The following LRRC72 variants were observed in gnomAD, a reference collection of about 807,000 sequenced individuals.
The protein encoded by LRRC72 is leucine rich repeat containing 72.
Under a neutral mutation model 35.8 loss-of-function variants are expected in LRRC72, and 41 were observed. The ratio of observed to expected loss-of-function variants is 1.15; its 90% confidence interval spans 0.89 to 1.49. LRRC72 has a LOEUF of 1.49. Ranked by LOEUF, LRRC72 falls within the 40% of genes most tolerant of loss-of-function variation. The pLI is 0.00. For synonymous variants in LRRC72, 118 were observed against 119.2 expected (o/e 0.99, Z 0.07); for missense variants, 389 against 330.7 (o/e 1.18, Z -1.37).
At chr7:16,579,444 G>A (rs1783103475) in intron 7 of LRRC72, among the ~76,000 whole-genome samples, 3 of 152,138 alleles carry the variant, frequency 2.0e-5, no homozygotes, top group Admixed American at 6.5e-5. Flanking sequence ...GGCACAACAG[G>A]TGCTAGTAAA....
intron 5 of LRRC72, among the ~76,000 whole-genome samples, chr7:16,559,660 G>C (rs1443510938): frequency 6.6e-6 from 1 of 152,096 alleles, no homozygotes; most frequent in African/African-American, 2.4e-5. Flanking sequence ...ACACCGAGAG[G>C]TAACTGTTTT....
intron 5 of LRRC72, among the ~76,000 whole-genome samples, chr7:16,562,529 G>T (rs1008181863): frequency 3.3e-5 from 5 of 152,138 alleles, no homozygotes; most frequent in African/African-American, 4.8e-5. Context: ...GCTTCCTACC[G>T]GAGCTTCCAG....
chr7:16,571,304 T>C (rs558924534), intron 7 of LRRC72, among the ~76,000 whole-genome samples: 2 of 152,274 alleles, frequency 1.3e-5, no homozygotes, highest in Admixed American at 1.3e-4. Flanking sequence ...ACATGCCTCC[T>C]TATACCCCCC....
chr7:16,568,271 T>A (rs1371714414), intron 7 of LRRC72, among the ~76,000 whole-genome samples: 1 of 152,132 alleles, frequency 6.6e-6, no homozygotes, highest in African/African-American at 2.4e-5. Flanking sequence ...ACATCTCCAT[T>A]CCACGAAGGA....
In LRRC72 at chr7:16,526,839, CG is replaced by C; in HGVS notation, c.-112del. The C allele has an allele frequency of 3.7e-6, 3 of 809,970 alleles. No homozygotes were observed. The highest frequency in any genetic ancestry group is 2.7e-5 in the East Asian group (1 of 37,004). 50.2% of individuals were successfully genotyped at this position (809,970 alleles called of 1,614,324 possible). On this transcript the variant is annotated 5_prime_UTR_variant, in exon 1 of 9. It removes the in-frame stop codon of an upstream open reading frame in the 5' UTR. Coordinates refer to ENST00000401542, the MANE Select transcript of LRRC72 (RefSeq NM_001195280.2). ...GACTGGCTTTTAGTCAACGGGAATG[CG>C]GTAACTGTTGGTAACAGAACAACGA... is the stretch of plus-strand genomic sequence containing the variant.
intron 3 of LRRC72, among the ~76,000 whole-genome samples, chr7:16,550,399 T>A (rs564181178): frequency 1.8e-4 from 27 of 152,306 alleles, no homozygotes; most frequent in Admixed American, 1.1e-3. Flanking sequence ...ATAAATGAGA[T>A]GACAAGTGTA....
intron 3 of LRRC72, among the ~76,000 whole-genome samples, chr7:16,538,645 C>T (rs1240425766): frequency 1.3e-5 from 2 of 152,186 alleles, no homozygotes; most frequent in African/African-American, 4.8e-5. Flanking sequence ...TGTGTCTCCA[C>T]CCGAATCTCA....
chr7:16,543,596 A>C (rs992387432), intron 3 of LRRC72, among the ~76,000 whole-genome samples: 1 of 152,170 alleles, frequency 6.6e-6, no homozygotes, highest in Non-Finnish European at 1.5e-5. Context: ...CCATGGGTGG[A>C]TCCTGAACTG....
At chr7:16,574,640 G>T (rs961741742) in intron 7 of LRRC72, among the ~76,000 whole-genome samples, 1 of 151,902 alleles carries the variant, frequency 6.6e-6, no homozygotes, top group African/African-American at 2.4e-5. Flanking sequence ...ACACACTGGG[G>T]CCTGTCGGGG....
chr7:16,528,588 C>G (rs767452423), intron 1 of LRRC72, among the ~76,000 whole-genome samples: 2 of 152,138 alleles, frequency 1.3e-5, no homozygotes, highest in Non-Finnish European at 2.9e-5. Flanking sequence ...GTTCACTGCT[C>G]ACTCACACCT....
At chr7:16,543,662 G>C (rs767790333) in intron 3 of LRRC72, among the ~76,000 whole-genome samples, 1 of 152,180 alleles carries the variant, frequency 6.6e-6, no homozygotes, top group Non-Finnish European at 1.5e-5. Context: ...CACTGAACAG[G>C]CATCTAACCT....
intron 7 of LRRC72, among the ~76,000 whole-genome samples, chr7:16,574,591 T>A (rs1434594826): frequency 6.6e-6 from 1 of 151,868 alleles, no homozygotes; most frequent in African/African-American, 2.4e-5. Context: ...AAGTGGGAGT[T>A]GAACAATGAG....
At position 16,566,349 on chromosome 7, in the gene LRRC72, A is replaced by G. The variant is rs1034374181; in HGVS notation, c.464A>G (p.Tyr155Cys). The change falls in exon 6 of 9, where the codon TAT (tyrosine) becomes TGT (cysteine). Residue 155 changes from tyrosine to cysteine, a missense_variant. By Grantham distance (194) the Tyr-to-Cys change is radical (BLOSUM62 -2). Coordinates refer to ENST00000401542, the MANE Select transcript of LRRC72 (RefSeq NM_001195280.2). ...YQNPLCQYNL[Y>C]RLYIIYHLPG... ...AATCCTTTGTGCCAATATAACCTGT[A>G]TCGTTTATATATCATCTACCACCTT... The G allele has an allele frequency of 2.6e-6, 4 of 1,546,904 alleles. No individual in the cohort carries two copies. In the African/African-American group the frequency reaches 5.5e-5, roughly 21 times the overall value.
intron 5 of LRRC72, among the ~76,000 whole-genome samples, chr7:16,563,901 A>G (rs558660998): frequency 6.6e-6 from 1 of 152,236 alleles, no homozygotes; most frequent in Non-Finnish European, 1.5e-5. Context: ...CCACAAGTCC[A>G]TAGAGTTTTT....
chr7:16,540,991 A>G (rs890044792), intron 3 of LRRC72, among the ~76,000 whole-genome samples: 1 of 152,142 alleles, frequency 6.6e-6, no homozygotes, highest in Non-Finnish European at 1.5e-5. Context: ...CATGCCCCCA[A>G]ATGAGGGAAC....
In LRRC72 at chr7:16,537,635, C is replaced by A; in HGVS notation, c.173C>A (p.Thr58Lys). 1 of 1,523,882 alleles carries A rather than the reference C, an allele frequency of 6.6e-7. No individual in the cohort carries two copies. The highest frequency in any genetic ancestry group is 8.8e-7 in the Non-Finnish European group (1 of 1,130,888). 94.4% of individuals were successfully genotyped at this position (1,523,882 alleles called of 1,614,324 possible). Residue 58 changes from threonine to lysine, a missense_variant, in exon 3 of 9, where the codon ACA becomes AAA. Coordinates refer to ENST00000401542, the MANE Select transcript of LRRC72 (RefSeq NM_001195280.2). ...TTTTTTTTTCTTTCCAGGGAACTGA[C>A]AGAGGTCATTGATCTTTCTAGGTTT... is the stretch of plus-strand genomic sequence containing the variant. Reference protein sequence around the residue: ...FELFLSKKELTEVIDLSRFKK... With the variant: ...FELFLSKKELKEVIDLSRFKK...
intron 1 of LRRC72, 67 bp downstream of exon 1, chr7:16,527,109 G>A (rs1031612460): frequency 7.9e-7 from 1 of 1,271,980 alleles, no homozygotes; most frequent in Non-Finnish European, 1.1e-6. Context: ...CCCACCTCCT[G>A]CCTGAGGACT....
chr7:16,555,283 C>A (rs1782631514), intron 3 of LRRC72, among the ~76,000 whole-genome samples: 1 of 151,994 alleles, frequency 6.6e-6, no homozygotes, highest in African/African-American at 2.4e-5. Context: ...TGAATGTTGC[C>A]AATATAAAAA....
chr7:16,529,303 T>C (rs1251511860), intron 1 of LRRC72, among the ~76,000 whole-genome samples: 3 of 152,192 alleles, frequency 2.0e-5, no homozygotes, highest in Non-Finnish European at 4.4e-5. Context: ...CAACATCCCA[T>C]TTCTAATTTC....
Sources: gnomAD v4.1 joint callset for allele counts (sites outside exome capture counted in the v4.1 genomes callset) on GRCh38, gnomAD v4.1.1 for gene constraint, MANE v1.5 for transcripts, NCBI Gene and HGNC (gene_info 2026-07-23, HGNC 2026-07-21) for gene names.